Variants in SND1 observed in about 807,000 individuals in gnomAD.
SND1 encodes staphylococcal nuclease domain-containing protein 1.
A neutral mutation model predicts 121.7 loss-of-function variants in SND1; 38 were observed. The ratio of observed to expected loss-of-function variants is 0.31; its 90% CI spans 0.24 to 0.41. SND1 has a LOEUF of 0.41. Ranked by LOEUF, SND1 falls within the 10% of genes least tolerant of loss-of-function variation. The pLI, the probability that SND1 is intolerant of heterozygous loss-of-function variation, is 1.00. For missense variants in SND1, 868 were observed against 1,184.6 expected (o/e 0.73, Z 3.92); for synonymous variants, 401 against 447.4 (o/e 0.90, Z 1.31).
chr7:127,953,151 CGTGTGTGTGTGT>C (rs59825900), intron 15 of SND1, among the ~76,000 whole-genome samples: 4,717 of 92,068 alleles, frequency 0.051, 122 homozygotes, highest in East Asian at 0.062. Flanking sequence ...GTGACAAGAC[CGTGTGTGTGTGT>C]GTGTGTGTGT....
chr7:127,670,498 G>A (rs1795497704), intron 1 of SND1, among the ~76,000 whole-genome samples: 1 of 152,270 alleles, frequency 6.6e-6, no homozygotes, highest in East Asian at 1.9e-4. Flanking sequence ...TTTGCGGCCA[G>A]ATTGGAAAAC....
At chr7:127,731,524 G>A (rs1261951857) in intron 10 of SND1, among the ~76,000 whole-genome samples, 2 of 152,072 alleles carry the variant, frequency 1.3e-5, no homozygotes, top group African/African-American at 4.8e-5. Context: ...AGATTGCCCC[G>A]TGGCTGCCTG....
At chr7:127,735,293 A>T (rs17718364) in intron 10 of SND1, among the ~76,000 whole-genome samples, 9,874 of 152,204 alleles carry the variant, frequency 0.065, 415 homozygotes, top group Middle Eastern at 0.19. Context: ...CAGGATTTCC[A>T]CTATCTACCA....
intron 12 of SND1, among the ~76,000 whole-genome samples, chr7:127,876,044 G>A (rs1042341752): frequency 2.6e-5 from 4 of 152,016 alleles, no homozygotes; most frequent in Non-Finnish European, 4.4e-5. Context: ...AATGTACAGC[G>A]TTTAGAATAG....
intron 12 of SND1, chr7:127,858,375 T>C: frequency 7.4e-7 from 1 of 1,344,940 alleles, no homozygotes; most frequent in Non-Finnish European, 1.0e-6. Context: ...ACTGTCTCTC[T>C]AGGCAATAGG....
rs369441821 is a variant in SND1 at position 127,652,325 on chromosome 7, A to G, written c.-49A>G. ...CACCAACACCGACACCCACATTGAC[A>G]CCTCCAGTCCGGCCAGCCGCTCCAC... On this transcript the variant is annotated 5_prime_UTR_variant, in exon 1 of 24. Transcript: ENST00000354725. 1.1e-5 allele frequency: 16 copies of G among 1,485,890 alleles called. No individual in the cohort carries two copies. The highest frequency in any genetic ancestry group is 1.5e-5 in the Non-Finnish European group (16 of 1,084,820). 92.0% of individuals were successfully genotyped at this position (1,485,890 alleles called of 1,614,324 possible). A position where few individuals can be genotyped will look rare whatever the true frequency, so the allele number is the denominator to read the frequency against.
chr7:127,789,641 C>T (rs1050678939), intron 10 of SND1, among the ~76,000 whole-genome samples: 24 of 152,148 alleles, frequency 1.6e-4, no homozygotes, highest in African/African-American at 4.6e-4. Flanking sequence ...AATAAAAAGG[C>T]ATGCAGGTTG....
At chr7:127,765,508 G>A (rs1027680487) in intron 10 of SND1, among the ~76,000 whole-genome samples, 1 of 152,146 alleles carries the variant, frequency 6.6e-6, no homozygotes, top group African/African-American at 2.4e-5. Context: ...CTTAGTAATT[G>A]GTAAAACTTG....
chr7:127,936,358 T>C (rs1323938421), intron 15 of SND1, among the ~76,000 whole-genome samples: 2 of 152,160 alleles, frequency 1.3e-5, no homozygotes, highest in African/African-American at 2.4e-5. Flanking sequence ...TTTTTCCTCA[T>C]CTGGCCTTTA....
At chr7:127,739,453 A>G (rs1042612575) in intron 10 of SND1, among the ~76,000 whole-genome samples, 1 of 152,138 alleles carries the variant, frequency 6.6e-6, no homozygotes, top group Non-Finnish European at 1.5e-5. Flanking sequence ...TGAGGCCCAG[A>G]CAACCATCAT....
intron 12 of SND1, among the ~76,000 whole-genome samples, chr7:127,845,617 C>G (rs960835738): frequency 7.2e-5 from 11 of 152,272 alleles, no homozygotes; most frequent in African/African-American, 2.4e-4. Flanking sequence ...TTGTATGCTT[C>G]CCTGTTGTAG....
intron 16 of SND1, among the ~76,000 whole-genome samples, chr7:128,062,105 T>C (rs1293246493): frequency 6.6e-6 from 1 of 152,266 alleles, no homozygotes; most frequent in African/African-American, 2.4e-5. Context: ...GAGGAGAAGC[T>C]TGGACTTTTT....
chr7:127,693,155 A>T (rs1795950594), intron 2 of SND1, among the ~76,000 whole-genome samples: 1 of 152,120 alleles, frequency 6.6e-6, no homozygotes, highest in African/African-American at 2.4e-5. Flanking sequence ...GGTAATAAAA[A>T]TTTGGGACGC....
chr7:127,864,138 A>C (rs1799427146), intron 12 of SND1, among the ~76,000 whole-genome samples: 1 of 151,674 alleles, frequency 6.6e-6, no homozygotes, highest in South Asian at 2.1e-4. Flanking sequence ...GATATTTAGG[A>C]TAAATAAGAA....
intron 16 of SND1, among the ~76,000 whole-genome samples, chr7:128,024,548 G>C (rs1803431911): frequency 6.6e-6 from 1 of 152,192 alleles, no homozygotes; most frequent in Non-Finnish European, 1.5e-5. Flanking sequence ...GGAAGCCAGA[G>C]ACCATGGACT....
At chr7:127,967,626 C>T (rs1357695681) in intron 15 of SND1, among the ~76,000 whole-genome samples, 1 of 152,230 alleles carries the variant, frequency 6.6e-6, no homozygotes, top group Admixed American at 6.5e-5. Context: ...ATCCTCACTC[C>T]TGCCATGCTC....
chr7:127,833,510 C>A (rs1798803501), intron 11 of SND1, among the ~76,000 whole-genome samples: 1 of 151,978 alleles, frequency 6.6e-6, no homozygotes, highest in Non-Finnish European at 1.5e-5. Context: ...AATGATCCAC[C>A]CACCTTGGCC....
chr7:128,070,819 A>C (rs1228997585), intron 16 of SND1, among the ~76,000 whole-genome samples: 1 of 152,126 alleles, frequency 6.6e-6, no homozygotes, highest in Non-Finnish European at 1.5e-5. Flanking sequence ...ATATTTGCAA[A>C]TTCACCAAAA....
At chr7:127,954,833 A>T (rs1801556212) in intron 15 of SND1, among the ~76,000 whole-genome samples, 2 of 152,256 alleles carry the variant, frequency 1.3e-5, no homozygotes, top group Non-Finnish European at 1.5e-5. Flanking sequence ...GGAGGTGGAT[A>T]AAGCACAGCC....
Sources: gnomAD v4.1 joint callset for allele counts (sites outside exome capture counted in the v4.1 genomes callset) on GRCh38, gnomAD v4.1.1 for gene constraint, MANE v1.5 for transcripts, NCBI Gene and HGNC (gene_info 2026-07-23, HGNC 2026-07-21) for gene names.